AGAP6: variants seen among roughly 807,000 people sequenced by gnomAD.
The protein encoded by AGAP6 is arf-GAP with GTPase, ANK repeat and PH domain-containing protein 6.
A neutral mutation model predicts 63.9 loss-of-function variants in AGAP6; 29 were observed. The observed-to-expected ratio is 0.45, with a 90% CI of 0.34 to 0.62. The LOEUF is 0.62. Ranked by LOEUF, AGAP6 falls within the 20% of genes least tolerant of loss-of-function variation. The pLI is 0.01. For synonymous variants in AGAP6, 199 were observed against 332.9 expected (o/e 0.60, Z 4.38); for missense variants, 493 against 884.9 (o/e 0.56, Z 5.62).
intron 5 of AGAP6, among the ~76,000 whole-genome samples, chr10:50,003,682 C>T (rs61848269): frequency 0.19 from 28,788 of 151,904 alleles, 3,223 homozygotes; most frequent in Non-Finnish European, 0.27. Flanking sequence ...GCTTCTCAGG[C>T]GATTTTAATG....
At chr10:49,999,871 G>A (rs1255520424) in intron 4 of AGAP6, among the ~76,000 whole-genome samples, 1 of 142,116 alleles carries the variant, frequency 7.0e-6, no homozygotes, top group Non-Finnish European at 1.5e-5. Flanking sequence ...TCTGATAGCT[G>A]CAAAAATAAA....
chr10:50,001,316 C>T (rs1431897526), intron 4 of AGAP6, among the ~76,000 whole-genome samples: 2 of 148,778 alleles, frequency 1.3e-5, no homozygotes, highest in Admixed American at 6.7e-5. Flanking sequence ...GGCGACAGAG[C>T]GAGACTCCGT....
intron 4 of AGAP6, among the ~76,000 whole-genome samples, chr10:49,997,991 C>CATAAATATATAT (rs1491382187): frequency 3.2e-5 from 4 of 124,232 alleles, no homozygotes; most frequent in African/African-American, 1.3e-4. Flanking sequence ...TGGAATTCCT[C>CATAAATATATAT]ATATATATAT....
At position 50,009,064 on chromosome 10, in the gene AGAP6, C is replaced by T. The variant is rs1842017567; in HGVS notation, c.939C>T (p.Leu313=). The T allele has an allele frequency of 6.2e-7, 1 of 1,613,470 alleles. No homozygotes were observed. Among genetic ancestry groups the T allele is most frequent in the African/African-American group, 1.3e-5 (1 of 74,894 alleles). Residue 313 remains leucine (L), a synonymous_variant, in exon 8 of 8, where the codon CTC becomes CTT. Transcript: ENST00000412531. Reference sequence around the variant, plus strand: ...TCACCCTGTGTTCCAATGGCATGCTCACCTATTATTCAAGCTTAGGTGATT... The same window carrying T: ...TCACCCTGTGTTCCAATGGCATGCTTACCTATTATTCAAGCTTAGGTGATT... ...KYVTLCSNGM[L]TYYSSLGDYM... is the part of the protein sequence containing the mutation.
chr10:50,005,247 G>A (rs1381960473), intron 6 of AGAP6, among the ~76,000 whole-genome samples: 1 of 152,190 alleles, frequency 6.6e-6, no homozygotes, highest in Non-Finnish European at 1.5e-5. Context: ...TATATTATTT[G>A]AAGTCTCTCA....
chr10:49,997,675 T>C (rs1841541833), intron 4 of AGAP6, among the ~76,000 whole-genome samples: 1 of 152,074 alleles, frequency 6.6e-6, no homozygotes, highest in Non-Finnish European at 1.5e-5. Context: ...ACAGGTGGCA[T>C]TTGGTGACAT....
intron 3 of AGAP6, among the ~76,000 whole-genome samples, chr10:49,993,610 G>T (rs1410926049): frequency 6.6e-6 from 1 of 152,122 alleles, no homozygotes; most frequent in African/African-American, 2.4e-5. Context: ...GAGGTTAGGA[G>T]ATCAAGACCA....
intron 2 of AGAP6, among the ~76,000 whole-genome samples, chr10:49,991,405 T>TTTTA (rs1355060826): frequency 1.3e-5 from 2 of 149,652 alleles, no homozygotes; most frequent in African/African-American, 2.5e-5. Context: ...TTTTTTTTTT[T>TTTTA]AATAAAGGAG....
chr10:50,009,986 G>T lies in AGAP6; in HGVS notation c.1861G>T (p.Glu621Ter), dbSNP rs188468654. The change falls in exon 8 of 8, where the codon GAG becomes TAG. Residue 621 changes from glutamate to a stop codon, truncating the protein, a stop_gained. Transcript: ENST00000412531. LOFTEE classifies it high-confidence loss of function. ...TGAGGAGGTGAACGAGACCTGTGGG[G>T]AGGGAGACGGCTGCACGGCGCTCCA... ...SCEEVNETCGEGDGCTALHLA... is the reference protein window; with the variant it reads ...SCEEVNETCG 7.4e-3 allele frequency: 11,978 copies of T among 1,611,914 alleles called. 486 individuals carry two copies. The African/African-American group carries it at 0.1, about 14-fold the overall frequency.
In AGAP6 at chr10:49,989,445, T is replaced by G; in HGVS notation, c.292+69T>G. On this transcript the variant is annotated intron_variant, in intron 2 of 7. Transcript: ENST00000412531. ...CTTTGTTTAGGCTTCTTTGAGCTAT[T>G]CTCTTCCTTTTCTCAGTAAAAACTC... 3 of 1,592,190 alleles carry G rather than the reference T, an allele frequency of 1.9e-6. No individual in the cohort carries two copies. The East Asian group carries it at 6.7e-5, about 36-fold the overall frequency.
intron 3 of AGAP6, 51 bp downstream of exon 3, chr10:49,991,795 T>C: frequency 6.3e-7 from 1 of 1,597,150 alleles, no homozygotes; most frequent in Non-Finnish European, 8.5e-7. Context: ...AGCTCTTGTT[T>C]GATCAGGTTA....
rs1842017966 is a variant in AGAP6, at chr10:50,009,082, A to C, written c.957A>C (p.Leu319Phe). Residue 319 changes from leucine to phenylalanine, a missense_variant, in exon 8 of 8, where the codon TTA becomes TTC. Physicochemically the swap from Leu to Phe is conservative, Grantham distance 22. Around this residue, in one of 7 missense-constraint regions of AGAP6, gnomAD observed 342 missense variants for 533.4 expected, o/e 0.64. Coordinates refer to ENST00000412531, the MANE Select transcript of AGAP6 (RefSeq NM_001077665.3). ...SNGMLTYYSS[L>F]GDYMKNIHKK... Reference sequence around the variant, plus strand: ...GCATGCTCACCTATTATTCAAGCTTAGGTGATTATATGAAGAATATTCATA... The same window carrying C: ...GCATGCTCACCTATTATTCAAGCTTCGGTGATTATATGAAGAATATTCATA... 6.2e-7 allele frequency: 1 copy of C among 1,613,574 alleles called. No individual in the cohort carries two copies. Among genetic ancestry groups the C allele is most frequent in the Non-Finnish European group, 8.5e-7 (1 of 1,179,924 alleles).
At position 50,009,078 on chromosome 10, in the gene AGAP6, G is replaced by C; in HGVS notation, c.953G>C (p.Ser318Thr). The part of the protein sequence containing the change: ...CSNGMLTYYS[S>T]LGDYMKNIHK... ...AATGGCATGCTCACCTATTATTCAA[G>C]CTTAGGTGATTATATGAAGAATATT... The change falls in exon 8 of 8, where the codon AGC becomes ACC. Residue 318 changes from serine to threonine, a missense_variant. By Grantham distance (58) the Ser-to-Thr change is moderately conservative. This residue lies in a region of AGAP6 where 342 missense variants were observed against 533.4 expected (regional missense o/e 0.64). Transcript: ENST00000412531. The C allele has an allele frequency of 6.2e-7, 1 of 1,613,578 alleles. No homozygotes were observed. The highest frequency in any genetic ancestry group is 8.5e-7 in the Non-Finnish European group (1 of 1,179,910).
At chr10:50,004,888 A>T (rs1277418889) in intron 6 of AGAP6, among the ~76,000 whole-genome samples, 168 bp downstream of exon 6, 2 of 152,234 alleles carry the variant, frequency 1.3e-5, no homozygotes, top group East Asian at 3.8e-4. Context: ...ATAATTCTTA[A>T]ATGACTGAGA....
rs1554864796 is a variant in AGAP6 at position 50,009,134 on chromosome 10, A to C, written c.1009A>C (p.Thr337Pro). 1 of 1,614,084 alleles carries C rather than the reference A, an allele frequency of 6.2e-7. No homozygotes were observed. The highest frequency in any genetic ancestry group is 1.7e-5 in the Admixed American group (1 of 60,018). ...AAAAGAGATTGACCTTCAGACATCT[A>C]CCATCAAAGTCCCAGGAAAGTGGCC... ...HKKEIDLQTS[T>P]IKVPGKWPSL... The change falls in exon 8 of 8, where the codon ACC becomes CCC. Residue 337 changes from threonine to proline, a missense_variant. Coordinates refer to ENST00000412531, the MANE Select transcript of AGAP6 (RefSeq NM_001077665.3).
At chr10:50,006,288 G>A (rs1841911988) in intron 6 of AGAP6, among the ~76,000 whole-genome samples, 1 of 152,238 alleles carries the variant, frequency 6.6e-6, no homozygotes, top group South Asian at 2.1e-4. Flanking sequence ...CAAGCCTACA[G>A]TAGAAGGAAC....
intron 4 of AGAP6, among the ~76,000 whole-genome samples, chr10:49,997,794 T>C (rs1340441882): frequency 6.8e-6 from 1 of 147,614 alleles, no homozygotes; most frequent in African/African-American, 2.5e-5. Flanking sequence ...CTCCCAGCCT[T>C]TCCCCCAAGT....
intron 4 of AGAP6, among the ~76,000 whole-genome samples, chr10:49,994,670 A>T (rs1259472614): frequency 3.3e-5 from 5 of 152,236 alleles, no homozygotes; most frequent in African/African-American, 1.2e-4. Flanking sequence ...GGTTCAAAAG[A>T]TCTGCCTTAC....
chr10:49,998,696 C>T (rs1485880219), intron 4 of AGAP6, among the ~76,000 whole-genome samples: 2 of 141,838 alleles, frequency 1.4e-5, no homozygotes, highest in Non-Finnish European at 3.0e-5. Context: ...TTGGCTATGC[C>T]GGTTCTTGTT....
Sources: allele counts gnomAD v4.1 joint callset (sites outside exome capture counted in the v4.1 genomes callset), GRCh38; gene constraint gnomAD v4.1.1; regional missense constraint gnomAD v4.1.1; transcripts MANE v1.5; gene names NCBI Gene and HGNC (gene_info 2026-07-23, HGNC 2026-07-21).